RAB38: variants seen among roughly 807,000 people sequenced by gnomAD.
RAB38 encodes the protein RAB38, member RAS oncogene family.
A neutral mutation model predicts 18.4 loss-of-function variants in RAB38; 15 were observed. The ratio of observed to expected loss-of-function variants is 0.82; its 90% CI spans 0.55 to 1.26. The LOEUF is 1.26. Among genes scored for constraint, RAB38 ranks in the 50% most tolerant of loss-of-function variants. The pLI, the probability that RAB38 is intolerant of heterozygous loss-of-function variation, is 0.00. For synonymous variants in RAB38, 101 were observed against 104.4 expected (o/e 0.97, Z 0.20); for missense variants, 294 against 267.4 (o/e 1.10, Z -0.69).
At chr11:87,869,043 C>A in the RAB38 span, among the ~76,000 whole-genome samples, 2 of 151,810 alleles carry the variant, frequency 1.3e-5, no homozygotes, top group East Asian at 3.9e-4. Context: ...GCTCTTGATT[C>A]ACTTTTTCTA....
chr11:87,961,705 C>T, the RAB38 span, among the ~76,000 whole-genome samples: 3,739 of 152,268 alleles, frequency 0.025, 134 homozygotes, highest in African/African-American at 0.076. Flanking sequence ...TGGATGCCAG[C>T]AGTAGCAGGG....
the RAB38 span, among the ~76,000 whole-genome samples, chr11:88,092,277 T>C: frequency 9.3e-6 from 1 of 107,726 alleles, no homozygotes; most frequent in Non-Finnish European, 1.9e-5. Context: ...CTTACAATCA[T>C]GGAAGAAGGT....
chr11:88,060,368 A>G, the RAB38 span: 4 of 152,226 alleles, frequency 2.6e-5, no homozygotes, highest in Admixed American at 2.0e-4. Flanking sequence ...AGGAAAATGT[A>G]TATGTGTTTG....
At chr11:87,949,813 T>C in the RAB38 span, among the ~76,000 whole-genome samples, 2 of 152,218 alleles carry the variant, frequency 1.3e-5, no homozygotes, top group African/African-American at 2.4e-5. Flanking sequence ...CTTCCAACTA[T>C]GTGGTCAGTT....
chr11:88,172,341 T>C (rs937652565), intron 1 of RAB38, among the ~76,000 whole-genome samples: 2 of 152,188 alleles, frequency 1.3e-5, no homozygotes, highest in African/African-American at 4.8e-5. Flanking sequence ...GAGATACTTT[T>C]TGGAGTCTTT....
At chr11:87,872,191 A>T in the RAB38 span, among the ~76,000 whole-genome samples, 1 of 151,578 alleles carries the variant, frequency 6.6e-6, no homozygotes, top group Non-Finnish European at 1.5e-5. Context: ...GCCATTGAAT[A>T]CATTATCATA....
the RAB38 span, among the ~76,000 whole-genome samples, chr11:87,964,544 A>C: frequency 6.6e-6 from 1 of 152,074 alleles, no homozygotes; most frequent in Non-Finnish European, 1.5e-5. Context: ...GGAGCTACAA[A>C]GTGCAAAACG....
At chr11:87,874,340 A>G in the RAB38 span, among the ~76,000 whole-genome samples, 1 of 151,570 alleles carries the variant, frequency 6.6e-6, no homozygotes, top group South Asian at 2.1e-4. Context: ...TGCAAGCCAT[A>G]CATCTGATAA....
chr11:88,092,391 A>AGGGAGAGGGAGG, the RAB38 span, among the ~76,000 whole-genome samples: 1 of 12,366 alleles, frequency 8.1e-5, no homozygotes, highest in Admixed American at 6.1e-4. Flanking sequence ...AGAGAGAGAG[A>AGGGAGAGGGAGG]GAGAGAGAGA....
chr11:87,859,555 T>C, the RAB38 span, among the ~76,000 whole-genome samples: 2 of 152,214 alleles, frequency 1.3e-5, no homozygotes, highest in East Asian at 3.9e-4. Context: ...ATAATTTTAA[T>C]CGCACATACC....
At chr11:87,806,945 G>A in the RAB38 span, among the ~76,000 whole-genome samples, 1 of 152,158 alleles carries the variant, frequency 6.6e-6, no homozygotes, top group Admixed American at 6.5e-5. Flanking sequence ...ACTGGTACAA[G>A]ACTATAGCCT....
chr11:88,105,664 A>G, the RAB38 span, among the ~76,000 whole-genome samples: 16,146 of 152,094 alleles, frequency 0.11, 1,774 homozygotes, highest in African/African-American at 0.28. Context: ...ATTTCCTACA[A>G]GCCCCTTTTC....
the RAB38 span, among the ~76,000 whole-genome samples, chr11:88,092,831 C>T: frequency 5.9e-5 from 9 of 151,828 alleles, no homozygotes; most frequent in Admixed American, 2.6e-4. Flanking sequence ...AAGCCTACTT[C>T]AGAGGTAGTA....
At chr11:88,075,686 GC>G in the RAB38 span, among the ~76,000 whole-genome samples, 1 of 152,094 alleles carries the variant, frequency 6.6e-6, no homozygotes, top group Non-Finnish European at 1.5e-5. Flanking sequence ...TTCAAGGCTA[GC>G]CTGGGCAACA....
chr11:88,129,247 C>G (rs542709889), intron 2 of RAB38, among the ~76,000 whole-genome samples: 1 of 151,960 alleles, frequency 6.6e-6, no homozygotes, highest in Non-Finnish European at 1.5e-5. Flanking sequence ...AGAGTTGAAA[C>G]ATAAATGACT....
the RAB38 span, among the ~76,000 whole-genome samples, chr11:88,061,358 AG>A: frequency 6.6e-6 from 1 of 152,216 alleles, no homozygotes; most frequent in African/African-American, 2.4e-5. Flanking sequence ...TCAGAAGTAA[AG>A]AGAAAAATAG....
At chr11:87,920,759 T>C in the RAB38 span, among the ~76,000 whole-genome samples, 1 of 152,074 alleles carries the variant, frequency 6.6e-6, no homozygotes, top group African/African-American at 2.4e-5. Context: ...TATTATTGTA[T>C]TGTAGTCTAT....
At chr11:88,148,597 T>C (rs1943021817) in intron 2 of RAB38, among the ~76,000 whole-genome samples, 1 of 152,184 alleles carries the variant, frequency 6.6e-6, no homozygotes, top group African/African-American at 2.4e-5. Context: ...CCTATTAGAA[T>C]GATGACCATT....
the RAB38 span, among the ~76,000 whole-genome samples, chr11:87,915,685 T>C: frequency 6.1e-4 from 93 of 152,292 alleles, no homozygotes; most frequent in African/African-American, 2.1e-3. Flanking sequence ...GGCATGCTTA[T>C]GGAATAGCCA....
Sources: gnomAD v4.1 joint callset for allele counts (sites outside exome capture counted in the v4.1 genomes callset) on GRCh38, gnomAD v4.1.1 for gene constraint, MANE v1.5 for transcripts, NCBI Gene and HGNC (gene_info 2026-07-23, HGNC 2026-07-21) for gene names.